The following TLL1 variants were observed in gnomAD, a reference collection of about 807,000 sequenced individuals.
TLL1 encodes the protein tolloid like 1.
In TLL1, 49 loss-of-function variants were observed where a neutral mutation model predicts 128.2. The ratio of observed to expected loss-of-function variants is 0.38; its 90% CI spans 0.30 to 0.48. TLL1 has a LOEUF of 0.48. Among genes scored for constraint, TLL1 ranks in the 20% least tolerant of loss-of-function variants. The pLI, the probability that TLL1 is intolerant of heterozygous loss-of-function variation, is 0.96. For missense variants in TLL1, 1,123 were observed against 1,242.0 expected (o/e 0.90, Z 1.44); for synonymous variants, 454 against 418.8 (o/e 1.08, Z -1.03).
chr4:166,013,318 G>C (rs1737786260), intron 7 of TLL1, among the ~76,000 whole-genome samples: 1 of 151,692 alleles, frequency 6.6e-6, no homozygotes, highest in African/African-American at 2.4e-5. Flanking sequence ...GAATCATAAA[G>C]GAAGGAATTT....
intron 12 of TLL1, among the ~76,000 whole-genome samples, chr4:166,053,738 C>T (rs1310432212): frequency 6.6e-6 from 1 of 152,136 alleles, no homozygotes; most frequent in Non-Finnish European, 1.5e-5. Flanking sequence ...TCTACGTATT[C>T]CTTAACACTA....
At chr4:166,078,753 A>T (rs1220024439) in intron 18 of TLL1, among the ~76,000 whole-genome samples, 4 of 152,170 alleles carry the variant, frequency 2.6e-5, no homozygotes, top group African/African-American at 9.6e-5. Context: ...ATTTCCTGCA[A>T]TATGTTGTTT....
chr4:165,894,757 G>C (rs1731588921), intron 1 of TLL1, among the ~76,000 whole-genome samples: 1 of 151,964 alleles, frequency 6.6e-6, no homozygotes, highest in Admixed American at 6.6e-5. Context: ...TTTCATGGGT[G>C]ACTATTATCA....
chr4:165,943,726 A>G (rs1464572131), intron 1 of TLL1, among the ~76,000 whole-genome samples: 2 of 152,108 alleles, frequency 1.3e-5, no homozygotes, highest in African/African-American at 2.4e-5. Context: ...AAATGCATCT[A>G]CTATATAAAT....
At chr4:166,012,592 C>G (rs1737745565) in intron 7 of TLL1, among the ~76,000 whole-genome samples, 1 of 151,528 alleles carries the variant, frequency 6.6e-6, no homozygotes, top group Non-Finnish European at 1.5e-5. Flanking sequence ...ATTTAATACT[C>G]CATTAATTTG....
rs137974594 is a variant in TLL1 at position 165,938,503 on chromosome 4, A to C, written c.170-50878A>C. On this transcript the variant is annotated intron_variant, in intron 1 of 20. Coordinates refer to ENST00000061240, the MANE Select transcript of TLL1 (RefSeq NM_012464.5). Reference sequence around the variant, plus strand: ...TTCTCTTCCTTTCCTTAATTTTCTAATTTTACAACTCATTAGTTGAATACT... The same window carrying C: ...TTCTCTTCCTTTCCTTAATTTTCTACTTTTACAACTCATTAGTTGAATACT... Among the ~76,000 whole-genome samples the C allele has an allele frequency of 4.1e-3, 619 of 152,038 alleles. 4 individuals are homozygous for C. The highest frequency in any genetic ancestry group is 0.014 in the African/African-American group (561 of 41,516).
intron 12 of TLL1, among the ~76,000 whole-genome samples, chr4:166,048,786 G>A (rs1249276282): frequency 1.3e-5 from 2 of 152,092 alleles, no homozygotes; most frequent in Non-Finnish European, 2.9e-5. Flanking sequence ...TAGTTCAAAC[G>A]GTATTAAGTT....
chr4:166,032,474 T>C (rs1738815621), intron 9 of TLL1, among the ~76,000 whole-genome samples: 1 of 152,078 alleles, frequency 6.6e-6, no homozygotes, highest in Admixed American at 6.6e-5. Context: ...TGTGGCAATG[T>C]CAAAAAGTCT....
At chr4:166,005,372 G>A (rs61468242) in intron 6 of TLL1, among the ~76,000 whole-genome samples, 2,040 of 152,000 alleles carry the variant, frequency 0.013, 44 homozygotes, top group African/African-American at 0.047. Flanking sequence ...ATGGAGAATA[G>A]AAAAAGGTTG....
At chr4:165,942,767 G>A (rs528248089) in intron 1 of TLL1, among the ~76,000 whole-genome samples, 3 of 151,812 alleles carry the variant, frequency 2.0e-5, no homozygotes, top group African/African-American at 4.8e-5. Flanking sequence ...TATGTTAAGC[G>A]CATACATGCC....
In TLL1 at chr4:166,104,377, CT is replaced by C. The variant is rs1742421061; in HGVS notation, c.*3503del. Among the ~76,000 whole-genome samples, 1 of 151,764 alleles carries C rather than the reference CT, an allele frequency of 6.6e-6. No individual in the cohort carries two copies. Among genetic ancestry groups the C allele is most frequent in the South Asian group, 2.1e-4 (1 of 4,824 alleles). ...GTTTACTAATAAGAATAAGACTTGC[CT>C]TATGGAAAATTTTTGATACCACTTG... On this transcript the variant is annotated 3_prime_UTR_variant, in exon 21 of 21. Transcript: ENST00000061240.
intron 8 of TLL1, among the ~76,000 whole-genome samples, chr4:166,015,266 C>A (rs1039970303): frequency 1.3e-5 from 2 of 151,992 alleles, no homozygotes; most frequent in Middle Eastern, 3.2e-3. Context: ...ATAACACAGT[C>A]TTTTCCAAAT....
rs1238690758 is a variant in TLL1 at position 166,055,211 on chromosome 4, A to T, written c.1660A>T (p.Met554Leu). ...AAGATCTACCTCCAATACTTTGTGG[A>T]TGAAGTTTGTTTCTGACGGAACTGT... ...DIRSTSNTLW[M>L]KFVSDGTVNK... The change falls in exon 13 of 21, where the codon ATG becomes TTG. Residue 554 changes from methionine to leucine, a missense_variant. By Grantham distance (15) the Met-to-Leu change is conservative. Transcript: ENST00000061240. 3 of 1,613,606 alleles carry T rather than the reference A, an allele frequency of 1.9e-6. No individual in the cohort carries two copies. Among genetic ancestry groups the T allele is most frequent in the Non-Finnish European group, 1.7e-6 (2 of 1,179,818 alleles).
intron 1 of TLL1, among the ~76,000 whole-genome samples, chr4:165,940,887 T>C (rs1733977816): frequency 6.6e-6 from 1 of 152,060 alleles, no homozygotes; most frequent in East Asian, 1.9e-4. Context: ...TTTTGGGGGC[T>C]ATTTCTTCCT....
intron 18 of TLL1, among the ~76,000 whole-genome samples, chr4:166,078,239 T>C (rs1741128641): frequency 6.6e-6 from 1 of 152,184 alleles, no homozygotes; most frequent in Admixed American, 6.5e-5. Flanking sequence ...TAGGGTTTCT[T>C]ATCCTGGATG....
chr4:165,936,144 G>A (rs10010029), intron 1 of TLL1, among the ~76,000 whole-genome samples: 8,417 of 148,438 alleles, frequency 0.057, 771 homozygotes, highest in African/African-American at 0.19. Flanking sequence ...AATATTTGAT[G>A]TGTTCTAGCC....
chr4:165,965,004 T>C, intron 1 of TLL1, among the ~76,000 whole-genome samples: 1 of 152,152 alleles, frequency 6.6e-6, no homozygotes, highest in East Asian at 1.9e-4. Flanking sequence ...CTATCTTAAT[T>C]ACCCATGTAT....
intron 1 of TLL1, among the ~76,000 whole-genome samples, chr4:165,983,862 A>G (rs1008686190): frequency 3.3e-5 from 5 of 151,896 alleles, no homozygotes; most frequent in African/African-American, 4.8e-5. Flanking sequence ...CCAGGTAAAA[A>G]TCAGGTTACC....
At chr4:166,078,671 C>T (rs1436564645) in intron 18 of TLL1, among the ~76,000 whole-genome samples, 1 of 152,076 alleles carries the variant, frequency 6.6e-6, no homozygotes, top group Non-Finnish European at 1.5e-5. Flanking sequence ...TGTTAAATTT[C>T]ATTATAGGCC....
Sources: gnomAD v4.1 joint callset for allele counts (sites outside exome capture counted in the v4.1 genomes callset) on GRCh38, gnomAD v4.1.1 for gene constraint, MANE v1.5 for transcripts, NCBI Gene and HGNC (gene_info 2026-07-23, HGNC 2026-07-21) for gene names.